Variants in CDKAL1 observed in about 807,000 individuals in gnomAD.
The protein encoded by CDKAL1 is threonylcarbamoyladenosine tRNA methylthiotransferase.
In CDKAL1, 32 loss-of-function variants were observed where a neutral mutation model predicts 68.2. That is an observed-to-expected ratio of 0.47 (90% CI 0.35 to 0.63). The LOEUF is 0.63. Ranked by LOEUF, CDKAL1 falls within the 30% of genes least tolerant of loss-of-function variation. The pLI is 0.00. For missense variants in CDKAL1, 606 were observed against 696.7 expected (o/e 0.87, Z 1.47); for synonymous variants, 234 against 244.3 (o/e 0.96, Z 0.39).
intron 11 of CDKAL1, among the ~76,000 whole-genome samples, chr6:21,033,582 A>G (rs1769411563): frequency 1.3e-5 from 2 of 152,272 alleles, no homozygotes; most frequent in African/African-American, 4.8e-5. Context: ...AATAGTTTCC[A>G]AATCAGTATA....
chr6:20,668,191 G>A (rs1217648983), intron 5 of CDKAL1, among the ~76,000 whole-genome samples: 1 of 151,706 alleles, frequency 6.6e-6, no homozygotes, highest in African/African-American at 2.4e-5. Flanking sequence ...TAGAATATTT[G>A]TTTGTTCTCT....
At chr6:21,101,804 G>A (rs893107968) in intron 12 of CDKAL1, among the ~76,000 whole-genome samples, 1 of 152,100 alleles carries the variant, frequency 6.6e-6, no homozygotes, top group African/African-American at 2.4e-5. Flanking sequence ...TTGGTTATCT[G>A]TGCCAGCAGC....
intron 9 of CDKAL1, among the ~76,000 whole-genome samples, chr6:20,952,976 A>C (rs1764607018): frequency 6.6e-6 from 1 of 152,250 alleles, no homozygotes; most frequent in South Asian, 2.1e-4. Context: ...ACGTTGACTA[A>C]GAACAAGATC....
intron 12 of CDKAL1, among the ~76,000 whole-genome samples, chr6:21,066,668 C>T (rs1427080104): frequency 1.3e-5 from 2 of 152,218 alleles, no homozygotes; most frequent in Admixed American, 6.5e-5. Context: ...GTTGCCCAGG[C>T]TGGAGTGCAG....
At chr6:20,833,548 C>A (rs188701875) in intron 8 of CDKAL1, among the ~76,000 whole-genome samples, 41 of 152,016 alleles carry the variant, frequency 2.7e-4, no homozygotes, top group African/African-American at 7.7e-4. Context: ...GGTCTTGCAA[C>A]CTGTAACTAA....
At chr6:21,064,404 A>G (rs1771308798) in intron 11 of CDKAL1, among the ~76,000 whole-genome samples, 3 of 152,234 alleles carry the variant, frequency 2.0e-5, no homozygotes, top group Admixed American at 2.0e-4. Context: ...ATTTCCAGAA[A>G]AAGAAAAGGG....
rs12055384 is a variant in CDKAL1 at position 20,889,006 on chromosome 6, A to G, written c.742+42828A>G. On this transcript the variant is annotated intron_variant, in intron 9 of 15. Transcript: ENST00000274695. Reference sequence around the variant, plus strand: ...CCACCAACAGTGTCAAAGTGTTCCTATTTCTCCACATCCTCTCCAGCACCT... The same window carrying G: ...CCACCAACAGTGTCAAAGTGTTCCTGTTTCTCCACATCCTCTCCAGCACCT... Among the ~76,000 whole-genome samples, 124 of 152,140 alleles carry G rather than the reference A, an allele frequency of 8.2e-4. 2 individuals are homozygous for G. The East Asian group carries it at 0.02, about 24-fold the overall frequency.
At chr6:20,570,438 T>C (rs940967918) in intron 4 of CDKAL1, among the ~76,000 whole-genome samples, 1 of 151,032 alleles carries the variant, frequency 6.6e-6, no homozygotes, top group Non-Finnish European at 1.5e-5. Flanking sequence ...TCTCACTCTG[T>C]CGCCTAGGCT....
intron 5 of CDKAL1, among the ~76,000 whole-genome samples, chr6:20,663,100 T>A (rs951549332): frequency 5.3e-5 from 8 of 152,142 alleles, no homozygotes; most frequent in Admixed American, 3.3e-4. Context: ...AAACTGGATG[T>A]GCCGGCTGAG....
intron 5 of CDKAL1, among the ~76,000 whole-genome samples, chr6:20,693,072 G>T (rs1770942035): frequency 6.8e-6 from 1 of 146,240 alleles, no homozygotes; most frequent in African/African-American, 2.5e-5. Flanking sequence ...AGAGCTTGCA[G>T]TGAGCCGAGG....
chr6:20,700,633 G>T (rs1201116581), intron 5 of CDKAL1, among the ~76,000 whole-genome samples: 1 of 152,142 alleles, frequency 6.6e-6, no homozygotes, highest in African/African-American at 2.4e-5. Flanking sequence ...GGCAAGCTCA[G>T]ATTTGTTTTA....
At chr6:20,939,228 T>G (rs1273279431) in intron 9 of CDKAL1, among the ~76,000 whole-genome samples, 1 of 152,190 alleles carries the variant, frequency 6.6e-6, no homozygotes, top group Non-Finnish European at 1.5e-5. Context: ...TTAGAGGTAC[T>G]TCTCTCCACT....
intron 13 of CDKAL1, among the ~76,000 whole-genome samples, chr6:21,146,519 C>T (rs538650255): frequency 5.9e-5 from 9 of 152,188 alleles, no homozygotes; most frequent in Admixed American, 5.9e-4. Flanking sequence ...TTGACAGCCT[C>T]TAGTGTTATT....
intron 4 of CDKAL1, among the ~76,000 whole-genome samples, chr6:20,600,757 G>T (rs187586757): frequency 0.011 from 883 of 76,908 alleles, 9 homozygotes; most frequent in African/African-American, 0.038. Context: ...TGGAGAGAGA[G>T]ATATATATGT....
At chr6:20,610,064 A>T (rs1396378765) in intron 4 of CDKAL1, among the ~76,000 whole-genome samples, 1 of 152,146 alleles carries the variant, frequency 6.6e-6, no homozygotes, top group Non-Finnish European at 1.5e-5. Flanking sequence ...TTTGCTAAGG[A>T]TAATGGCCTC....
chr6:20,987,623 A>G lies in CDKAL1; in HGVS notation c.910-12604A>G, dbSNP rs532005055. Among the ~76,000 whole-genome samples, 6 of 152,288 alleles carry G rather than the reference A, an allele frequency of 3.9e-5. No individual in the cohort carries two copies. The East Asian group carries it at 1.2e-3, about 29-fold the overall frequency. ...TAAAACCTTTTGTTGCTCTTGCAAC[A>G]GTTAACTTCTTCTTCCCGTGTTTTA... On this transcript the variant is annotated intron_variant, in intron 10 of 15. Coordinates refer to ENST00000274695, the MANE Select transcript of CDKAL1 (RefSeq NM_017774.3).
chr6:21,069,717 T>TATTTCTTTTTAA (rs1371630902), intron 12 of CDKAL1, among the ~76,000 whole-genome samples: 1 of 150,992 alleles, frequency 6.6e-6, no homozygotes, highest in East Asian at 2.0e-4. Context: ...AGAAGTAAAG[T>TATTTCTTTTTAA]ATTTCTTTTT....
rs529127765 is a variant in CDKAL1 at position 21,209,185 on chromosome 6, G to A, written c.1548+7911G>A. Among the ~76,000 whole-genome samples the A allele has an allele frequency of 2.4e-4, 37 of 152,046 alleles. 1 individual carries two copies. The highest frequency in any genetic ancestry group is 4.4e-4 in the Non-Finnish European group (30 of 68,034). The stretch of plus-strand genomic sequence containing the variant: ...GCCTGGCCTAGGGCAGCTAGAACAC[G>A]ATGAAGTTCTTTATACAGCTGTACA... On this transcript the variant is annotated intron_variant, in intron 15 of 15. Coordinates refer to ENST00000274695, the MANE Select transcript of CDKAL1 (RefSeq NM_017774.3).
intron 9 of CDKAL1, among the ~76,000 whole-genome samples, chr6:20,852,094 T>A (rs1466324031): frequency 2.0e-5 from 3 of 152,182 alleles, no homozygotes; most frequent in Non-Finnish European, 4.4e-5. Flanking sequence ...TTTACATGTT[T>A]GTTATAACAA....
Sources: gnomAD v4.1 joint callset for allele counts (sites outside exome capture counted in the v4.1 genomes callset) on GRCh38, gnomAD v4.1.1 for gene constraint, MANE v1.5 for transcripts, NCBI Gene and HGNC (gene_info 2026-07-23, HGNC 2026-07-21) for gene names.